Variants in COLEC10 observed in about 807,000 individuals in gnomAD.
The protein encoded by COLEC10 is collectin-10.
COLEC10 carries 22 observed loss-of-function variants against 28.4 expected under a neutral mutation model. That is an observed-to-expected ratio of 0.78 (90% CI 0.55 to 1.11). COLEC10 has a LOEUF of 1.11. COLEC10 is among the 50% of genes least tolerant of loss of function. The pLI, the probability that COLEC10 is intolerant of heterozygous loss-of-function variation, is 0.00. For missense variants in COLEC10, 361 were observed against 344.1 expected, an observed-to-expected ratio of 1.05 and a Z score of -0.39; for synonymous variants, 125 against 116.1, an observed-to-expected ratio of 1.08 and a Z score of -0.49.
At chr8:118,965,676 G>T in the COLEC10 span, among the ~76,000 whole-genome samples, 5 of 151,996 alleles carry the variant, frequency 3.3e-5, no homozygotes, top group East Asian at 1.9e-4. Flanking sequence ...TAGAGTGATT[G>T]CTGGGTAGGC....
the COLEC10 span, among the ~76,000 whole-genome samples, chr8:118,953,788 G>A: frequency 6.6e-6 from 1 of 152,126 alleles, no homozygotes; most frequent in East Asian, 1.9e-4. Flanking sequence ...CTAAGATACT[G>A]GCCTTTGTAA....
chr8:119,099,392 G>A (rs533382033), intron 3 of COLEC10, among the ~76,000 whole-genome samples: 5 of 152,002 alleles, frequency 3.3e-5, no homozygotes, highest in African/African-American at 7.2e-5. Context: ...GTGCTGATCC[G>A]ATTATAAGAA....
At chr8:119,032,789 C>A (rs1243908422) in intron 2 of COLEC10, among the ~76,000 whole-genome samples, 1 of 152,192 alleles carries the variant, frequency 6.6e-6, no homozygotes, top group Non-Finnish European at 1.5e-5. Flanking sequence ...GTAGTCCCAG[C>A]TACCTGGGAG....
At chr8:119,079,066 G>T (rs570894374) in intron 1 of COLEC10, among the ~76,000 whole-genome samples, 7 of 150,344 alleles carry the variant, frequency 4.7e-5, no homozygotes, top group Non-Finnish European at 1.0e-4. Flanking sequence ...TTGCAAATCT[G>T]CATGACAGGG....
rs1815941832 is a variant in COLEC10, at chr8:119,106,278, T to C, written c.*87T>C. The stretch of plus-strand genomic sequence containing the variant: ...TCCTTTTTTTCCTGATTGTACTACA[T>C]TTGATCTGAGTCAACATAGCTAGAA... On this transcript the variant is annotated 3_prime_UTR_variant, in exon 6 of 6. Transcript: ENST00000332843. 1.4e-6 allele frequency: 2 copies of C among 1,384,478 alleles called. No homozygotes were observed. Among genetic ancestry groups the C allele is most frequent in the South Asian group, 1.4e-5 (1 of 73,188 alleles). 85.8% of individuals were successfully genotyped at this position (1,384,478 alleles called of 1,614,324 possible). A position where few individuals can be genotyped will look rare whatever the true frequency, so the allele number is the denominator to read the frequency against.
chr8:119,040,849 G>C lies in COLEC10; in HGVS notation n.235+31296G>C, dbSNP rs529731325. Among the ~76,000 whole-genome samples the C allele has an allele frequency of 2.0e-5, 3 of 152,256 alleles. No individual in the cohort carries two copies. The South Asian group carries it at 6.2e-4, about 32-fold the overall frequency. Reference sequence around the variant, plus strand: ...GTAGCCCCACAGGGTTAGTGTAGTGGGAAAACCTTGACTTCTCTCCCTACC... The same window carrying C: ...GTAGCCCCACAGGGTTAGTGTAGTGCGAAAACCTTGACTTCTCTCCCTACC... On this transcript the variant is annotated intron_variant and non_coding_transcript_variant, in intron 2 of 6. Transcript: ENST00000521788.
At chr8:119,019,251 G>T (rs1814049625) in intron 2 of COLEC10, among the ~76,000 whole-genome samples, 1 of 152,156 alleles carries the variant, frequency 6.6e-6, no homozygotes, top group Non-Finnish European at 1.5e-5. Flanking sequence ...GAAACCTGTG[G>T]CTTGCAAATT....
At chr8:119,087,545 C>T (rs1000525332) in intron 1 of COLEC10, among the ~76,000 whole-genome samples, 1 of 152,180 alleles carries the variant, frequency 6.6e-6, no homozygotes, top group Non-Finnish European at 1.5e-5. Context: ...AGTGGTGTCT[C>T]AGTTATGCTA....
Position 119,091,231 on chromosome 8 carries a change from T to C in COLEC10, c.292+11T>C. The C allele has an allele frequency of 1.2e-6, 2 of 1,602,296 alleles. No individual in the cohort carries two copies. Among genetic ancestry groups the C allele is most frequent in the Middle Eastern group, 3.3e-4 (2 of 6,038 alleles). ...CCATTGGGAAGAAGGGTAAGTTGCA[T>C]CTTACTATTCTCCAGTAGCAATTCA... On this transcript the variant is annotated intron_variant, in intron 3 of 5. Coordinates refer to ENST00000332843, the MANE Select transcript of COLEC10 (RefSeq NM_006438.5).
rs542758732 is a variant in COLEC10 at position 119,093,382 on chromosome 8, T to C, written c.292+2162T>C. Among the ~76,000 whole-genome samples, 22 of 152,312 alleles carry C rather than the reference T, an allele frequency of 1.4e-4. No individual in the cohort carries two copies. The South Asian group carries it at 2.1e-3, about 14-fold the overall frequency. On this transcript the variant is annotated intron_variant, in intron 3 of 5. Coordinates refer to ENST00000332843, the MANE Select transcript of COLEC10 (RefSeq NM_006438.5). ...CAGTGCCACTGAAGAGAAATTGCTATGGGTGTCTCAGATCTGGTGGGTTAT... is the reference window on the plus strand; with the variant it reads ...CAGTGCCACTGAAGAGAAATTGCTACGGGTGTCTCAGATCTGGTGGGTTAT...
chr8:119,070,473 CT>C lies in COLEC10; in HGVS notation c.148+3045del, dbSNP rs1815086792. Among the ~76,000 whole-genome samples the C allele has an allele frequency of 5.2e-4, 67 of 129,864 alleles. 2 individuals carry two copies. Among genetic ancestry groups the C allele is most frequent in the South Asian group, 2.0e-3 (7 of 3,516 alleles). 85.2% of individuals were successfully genotyped at this position (129,864 alleles called of 152,430 possible). A position where few individuals can be genotyped will look rare whatever the true frequency, so the allele number is the denominator to read the frequency against. ...TCTCTCTCTCTCTCTCTCTCTCTCTCTCTCCTTCCCCCTCCTTCCCTCCCTC... is the reference window on the plus strand; with the variant it reads ...TCTCTCTCTCTCTCTCTCTCTCTCTCCTCCTTCCCCCTCCTTCCCTCCCTC... On this transcript the variant is annotated intron_variant, in intron 1 of 5. Transcript: ENST00000332843.
At chr8:119,036,766 G>T (rs1486445068) in intron 2 of COLEC10, among the ~76,000 whole-genome samples, 1 of 152,114 alleles carries the variant, frequency 6.6e-6, no homozygotes, top group Non-Finnish European at 1.5e-5. Context: ...AAAAGATGCA[G>T]GCAGACACAG....
At chr8:118,968,678 G>T in the COLEC10 span, among the ~76,000 whole-genome samples, 1 of 151,768 alleles carries the variant, frequency 6.6e-6, no homozygotes, top group Non-Finnish European at 1.5e-5. Context: ...GAACGTGCAG[G>T]TTTGTTACAT....
At chr8:119,070,161 A>C (rs1207380873) in intron 1 of COLEC10, among the ~76,000 whole-genome samples, 1 of 152,182 alleles carries the variant, frequency 6.6e-6, no homozygotes, top group African/African-American at 2.4e-5. Context: ...ATGTTGTTAC[A>C]TCTGTTACAC....
chr8:118,966,226 A>C, the COLEC10 span, among the ~76,000 whole-genome samples: 1 of 152,166 alleles, frequency 6.6e-6, no homozygotes, highest in African/African-American at 2.4e-5. Flanking sequence ...TTGATTATAC[A>C]TGGAAAGTCA....
intron 2 of COLEC10, among the ~76,000 whole-genome samples, chr8:119,020,990 C>G (rs78951356): frequency 0.029 from 4,412 of 152,166 alleles, 122 homozygotes; most frequent in East Asian, 0.16. Context: ...CATTATCAGT[C>G]ATTTCAACAT....
intron 1 of COLEC10, among the ~76,000 whole-genome samples, chr8:119,001,200 T>A (rs905243203): frequency 1.8e-4 from 27 of 152,128 alleles, no homozygotes; most frequent in Non-Finnish European, 3.8e-4. Context: ...GTGGAAAAAT[T>A]TGAGAAAGCG....
At chr8:119,083,937 A>G (rs1463212362) in intron 1 of COLEC10, among the ~76,000 whole-genome samples, 1 of 152,168 alleles carries the variant, frequency 6.6e-6, no homozygotes, top group Non-Finnish European at 1.5e-5. Context: ...TTTCAGAGCA[A>G]CGTTGCCAGG....
At chr8:119,051,731 TA>T (rs1814679513) in intron 2 of COLEC10, among the ~76,000 whole-genome samples, 1 of 152,198 alleles carries the variant, frequency 6.6e-6, no homozygotes, top group African/African-American at 2.4e-5. Context: ...TGATGACATT[TA>T]AATTTTCAGT....
Sources: allele counts gnomAD v4.1 joint callset (sites outside exome capture counted in the v4.1 genomes callset), GRCh38; gene constraint gnomAD v4.1.1; transcripts MANE v1.5; gene names NCBI Gene and HGNC (gene_info 2026-07-23, HGNC 2026-07-21).